The following CERS2 variants were observed in gnomAD, a reference collection of about 807,000 sequenced individuals.
CERS2 encodes LAG1 homolog, ceramide synthase 2.
In CERS2, 20 loss-of-function variants were observed where a neutral mutation model predicts 56.6. The ratio of observed to expected loss-of-function variants is 0.35; its 90% CI spans 0.25 to 0.51. The LOEUF (loss-of-function observed/expected upper bound fraction) is 0.51. Ranked by LOEUF, CERS2 falls within the 20% of genes least tolerant of loss-of-function variation. The probability of loss-of-function intolerance (pLI) is 0.96; values close to 1 mark genes in which losing one functional copy is unlikely to be tolerated. For missense variants in CERS2, 361 were observed against 488.6 expected (o/e 0.74, Z 2.46); for synonymous variants, 187 against 175.4 (o/e 1.07, Z -0.52).
chr1:150,968,379 A>G lies in CERS2; in HGVS notation c.291+16T>C, dbSNP rs761512748. 2 of 1,590,352 alleles carry G rather than the reference A, an allele frequency of 1.3e-6. No homozygotes were observed. The highest frequency in any genetic ancestry group is 1.7e-6 in the Non-Finnish European group (2 of 1,158,196). On this transcript the variant is annotated intron_variant, in intron 3 of 10. Coordinates refer to ENST00000368954, the MANE Select transcript of CERS2 (RefSeq NM_022075.5). The stretch of plus-strand genomic sequence containing the variant: ...ACTCAGTGATTCCCAGAGCCAGAGC[A>G]GCATGCGGCTCATACCTGCTTGGGC...
Position 150,968,423 on chromosome 1 carries a change from T to A in CERS2, c.263A>T (p.Tyr88Phe). ...APPNATLEHFYLTSGKQPKQV... is the reference protein window; with the variant it reads ...APPNATLEHFFLTSGKQPKQV... ...CTTGGGCTGCTTGCCACTGGTCAGGTAGAAATGTTCCAAGGTGGCGTTGGG... is the reference window on the plus strand; with the variant it reads ...CTTGGGCTGCTTGCCACTGGTCAGGAAGAAATGTTCCAAGGTGGCGTTGGG... Residue 88 changes from tyrosine (Y) to phenylalanine (F), a missense_variant, in exon 3 of 11, where the codon TAC (tyrosine) becomes TTC (phenylalanine). Physicochemically the swap from Tyr to Phe is conservative, Grantham distance 22. Coordinates refer to ENST00000368954, the MANE Select transcript of CERS2 (RefSeq NM_022075.5). 1 of 1,614,020 alleles carries A rather than the reference T, an allele frequency of 6.2e-7. No individual in the cohort carries two copies. Among genetic ancestry groups the A allele is most frequent in the Non-Finnish European group, 8.5e-7 (1 of 1,179,932 alleles).
At chr1:150,969,290 G>A (rs150302188) in intron 1 of CERS2, 199 bp from the exon 2 acceptor site, 8,062 of 574,318 alleles carry the variant, frequency 0.014, 89 homozygotes, top group Middle Eastern at 0.035. Context: ...AACATTTACT[G>A]TTAGGCCGGC....
At position 150,968,499 on chromosome 1, in the gene CERS2, G is replaced by T. The variant is rs1232837768; in HGVS notation, c.187C>A (p.Pro63Thr). ...RYFFELYVAT[P>T]LAALLNIKEK... is the part of the protein sequence containing the mutation. Reference sequence around the variant, plus strand: ...TTTATGTTCAAGAGGGCAGCCAGTGGTGTAGCCACGTACCTGGGGAAGGGA... The same window carrying T: ...TTTATGTTCAAGAGGGCAGCCAGTGTTGTAGCCACGTACCTGGGGAAGGGA... Residue 63 changes from proline to threonine, a missense_variant, in exon 3 of 11, where the codon CCA becomes ACA. By Grantham distance (38) the Pro-to-Thr change is conservative. Transcript: ENST00000368954. 1.9e-5 allele frequency: 31 copies of T among 1,613,418 alleles called. No homozygotes were observed. Among genetic ancestry groups the T allele is most frequent in the African/African-American group, 2.7e-5 (2 of 74,912 alleles).
At position 150,968,905 on chromosome 1, in the gene CERS2, C is replaced by T. The variant is rs752376; in HGVS notation, c.173+13G>A. On this transcript the variant is annotated intron_variant, in intron 2 of 10. Coordinates refer to ENST00000368954, the MANE Select transcript of CERS2 (RefSeq NM_022075.5). ...CAACAGGGGAAGGCATGAGGGTAGG[C>T]TGGCATGCTTACAGCTCAAAGAAGT... The T allele has an allele frequency of 0.4, 636,717 of 1,608,798 alleles. 130,194 individuals carry two copies. Among genetic ancestry groups the T allele is most frequent in the Admixed American group, 0.57 (34,021 of 59,920 alleles).
At chr1:150,972,371 G>A (rs149958609) in intron 1 of CERS2, among the ~76,000 whole-genome samples, 13 of 152,260 alleles carry the variant, frequency 8.5e-5, no homozygotes, top group Non-Finnish European at 1.9e-4. Context: ...ATGAAGAGAG[G>A]GGAGGACAGC....
In CERS2 at chr1:150,969,087, G is replaced by A. The variant is rs1341491464; in HGVS notation, c.4C>T (p.Leu2Phe). The change falls in exon 2 of 11, where the codon CTC becomes TTC. Residue 2 changes from leucine to phenylalanine, a missense_variant. By Grantham distance (22) the Leu-to-Phe change is conservative. Around this residue, in one of 3 missense-constraint regions of CERS2, gnomAD observed 236 missense variants for 309.2 expected, o/e 0.76. Transcript: ENST00000368954. ...CAGAAGTAATCATACAAGGTCTGGA[G>A]CATCCTGAGTGAGGGGCAAAGGGGA... M[L>F]QTLYDYFWWE... 4 of 1,613,772 alleles carry A rather than the reference G, an allele frequency of 2.5e-6. No homozygotes were observed. Among genetic ancestry groups the A allele is most frequent in the Non-Finnish European group, 2.5e-6 (3 of 1,180,006 alleles).
chr1:150,967,338 A>C (rs1169583359), intron 7 of CERS2, 54 bp downstream of exon 7: 29 of 1,436,714 alleles, frequency 2.0e-5, no homozygotes, highest in Non-Finnish European at 2.7e-5. Flanking sequence ...GAGGGTGTTC[A>C]TCCCAGGGCC....
intron 5 of CERS2, 38 bp downstream of exon 5, chr1:150,967,782 A>G: frequency 1.2e-6 from 2 of 1,609,510 alleles, no homozygotes; most frequent in South Asian, 2.2e-5. Flanking sequence ...TGACCTTGCC[A>G]GAGAACCTAC....
chr1:150,967,499 A>T lies in CERS2; in HGVS notation c.520-15T>A. 1 of 1,517,126 alleles carries T rather than the reference A, an allele frequency of 6.6e-7. No individual in the cohort carries two copies. The highest frequency in any genetic ancestry group is 9.2e-7 in the Non-Finnish European group (1 of 1,091,710). The allele number at this position is 1,517,126 out of a possible 1,614,324, so 94.0% of individuals were successfully genotyped here. A position where few individuals can be genotyped will look rare whatever the true frequency, so the allele number is the denominator to read the frequency against. On this transcript the variant is annotated splice_polypyrimidine_tract_variant and intron_variant, in intron 6 of 10. Transcript: ENST00000368954. Reference sequence around the variant, plus strand: ...GGGATAGTGCTCTGGGAGAGGAGAGAGAGGTAAGAGCAACCAGCCGCAAGG... The same window carrying T: ...GGGATAGTGCTCTGGGAGAGGAGAGTGAGGTAAGAGCAACCAGCCGCAAGG...
intron 4 of CERS2, 53 bp downstream of exon 4, chr1:150,968,030 A>C (rs1415103343): frequency 6.5e-7 from 1 of 1,539,644 alleles, no homozygotes; most frequent in African/African-American, 1.4e-5. Context: ...CCCTCCCAGC[A>C]AGACACATCA....
At position 150,966,611 on chromosome 1, in the gene CERS2, C is replaced by T. The variant is rs587676480; in HGVS notation, c.867G>A (p.Leu289=). The T allele has an allele frequency of 1.2e-6, 2 of 1,613,900 alleles. No individual in the cohort carries two copies. The highest frequency in any genetic ancestry group is 4.5e-5 in the East Asian group (2 of 44,876). ...CAGGATAGAGCTCCAGTGGGTACACCAGGGTGCAATGCAGGATCCTGAGGA... is the reference window on the plus strand; with the variant it reads ...CAGGATAGAGCTCCAGTGGGTACACTAGGGTGCAATGCAGGATCCTGAGGA... ...ILPFWILHCT[L]VYPLELYPAF... is the part of the protein sequence containing the mutation. Residue 289 remains leucine (L), a synonymous_variant, in exon 10 of 11, where the codon CTG becomes CTA. Coordinates refer to ENST00000368954, the MANE Select transcript of CERS2 (RefSeq NM_022075.5).
chr1:150,966,162 G>A lies in CERS2; in HGVS notation c.1129C>T (p.Arg377Cys), dbSNP rs587657587. 15 of 1,609,434 alleles carry A rather than the reference G, an allele frequency of 9.3e-6. No homozygotes were observed. In the East Asian group the frequency reaches 2.5e-4, roughly 26 times the overall value. The part of the protein sequence containing the change: ...NGHPILNNNH[R>C]KND ...GGAGTAATGGTTCAGTCATTCTTAC[G>A]ATGGTTGTTATTGAGGATGGGGTGG... The change falls in exon 11 of 11, where the codon CGT becomes TGT. Residue 377 changes from arginine (R) to cysteine (C), a missense_variant. Physicochemically the swap from Arg to Cys is radical, Grantham distance 180 (BLOSUM62 -3). Transcript: ENST00000368954.
At chr1:150,966,390 T>C (rs1671016588) in intron 10 of CERS2, 86 bp downstream of exon 10, 1 of 1,598,396 alleles carries the variant, frequency 6.3e-7, no homozygotes, top group African/African-American at 1.3e-5. Context: ...GGCTCCACAC[T>C]AGTTTTTTAG....
Position 150,974,723 on chromosome 1 carries a change from T to C in CERS2, c.-106A>G. ...CCTGGCTCCCCGCGCCTCTCCTCCC[T>C]CTTCCGCCCGCCCGCCGGCCCGCGC... On this transcript the variant is annotated 5_prime_UTR_variant, in exon 1 of 11. Coordinates refer to ENST00000368954, the MANE Select transcript of CERS2 (RefSeq NM_022075.5). 6.8e-6 allele frequency: 1 copy of C among 147,782 alleles called. No homozygotes were observed. The highest frequency in any genetic ancestry group is 1.5e-5 in the Non-Finnish European group (1 of 67,424). The allele number at this position is 147,782 out of a possible 1,614,324, so 9.2% of individuals were successfully genotyped here.
At position 150,966,498 on chromosome 1, in the gene CERS2, G is replaced by A. The variant is rs1671020997; in HGVS notation, c.980C>T (p.Ala327Val). Residue 327 changes from alanine (A) to valine (V), a missense_variant, in exon 10 of 11, where the codon GCC (alanine) becomes GTC (valine). Ala to Val is a moderately conservative substitution (Grantham distance 64). This residue lies in a region of CERS2 where 122 missense variants were observed against 151.9 expected (regional missense o/e 0.80). Transcript: ENST00000368954. ...CACCTTTCCAGTTATGAACTTGTGGGCCATGCGCAAAATGAGGTAGGCCCA... is the reference window on the plus strand; with the variant it reads ...CACCTTTCCAGTTATGAACTTGTGGACCATGCGCAAAATGAGGTAGGCCCA... ...IFWAYLILRMAHKFITGKLVE... is the reference protein window; with the variant it reads ...IFWAYLILRMVHKFITGKLVE... The A allele has an allele frequency of 1.9e-6, 3 of 1,614,020 alleles. No individual in the cohort carries two copies. Among genetic ancestry groups the A allele is most frequent in the African/African-American group, 2.7e-5 (2 of 74,862 alleles).
At chr1:150,972,070 G>A (rs998075241) in intron 1 of CERS2, 1 of 373,384 alleles carries the variant, frequency 2.7e-6, no homozygotes, top group Admixed American at 3.5e-5. Context: ...GCAAAACAGG[G>A]GGTGGGGGGC....
chr1:150,968,821 G>C, intron 2 of CERS2, 97 bp downstream of exon 2: 1 of 1,214,046 alleles, frequency 8.2e-7, no homozygotes, highest in Non-Finnish European at 1.2e-6. Flanking sequence ...CAGAACATCA[G>C]GGTCAAGGGC....
At chr1:150,967,915 G>A (rs1474252175) in intron 4 of CERS2, 38 bp from the exon 5 acceptor site, 5 of 1,549,550 alleles carry the variant, frequency 3.2e-6, no homozygotes, top group Admixed American at 1.7e-5. Flanking sequence ...TCAGAGGATA[G>A]CACAGTCCCC....
At position 150,974,827 on chromosome 1, in the gene CERS2, C is replaced by G. The variant is rs1671284246; in HGVS notation, c.-210G>C. The G allele has an allele frequency of 6.5e-6, 1 of 152,738 alleles. No homozygotes were observed. Among genetic ancestry groups the G allele is most frequent in the African/African-American group, 2.4e-5 (1 of 41,346 alleles). The allele number at this position is 152,738 out of a possible 1,614,324, so 9.5% of individuals were successfully genotyped here. On this transcript the variant is annotated 5_prime_UTR_variant, in exon 1 of 11. Coordinates refer to ENST00000368954, the MANE Select transcript of CERS2 (RefSeq NM_022075.5). ...CGAGCCCAGTCGAGCTGAGCCCGAG[C>G]CCAGCCGGGAAAAAAAGGCCGCGAG...
Sources: allele counts gnomAD v4.1 joint callset (sites outside exome capture counted in the v4.1 genomes callset), GRCh38; gene constraint gnomAD v4.1.1; regional missense constraint gnomAD v4.1.1; transcripts MANE v1.5; gene names NCBI Gene and HGNC (gene_info 2026-07-23, HGNC 2026-07-21).